Variants in POLN observed in about 807,000 individuals in gnomAD.
The protein encoded by POLN is DNA polymerase nu.
POLN carries 108 observed loss-of-function variants against 113.5 expected under a neutral mutation model. The ratio of observed to expected loss-of-function variants is 0.95; its 90% CI spans 0.81 to 1.12. The LOEUF (loss-of-function observed/expected upper bound fraction) is 1.12. POLN is among the 50% of genes most tolerant of loss of function. The probability of loss-of-function intolerance (pLI) is 0.00; values close to 1 mark genes in which losing one functional copy is unlikely to be tolerated. For synonymous variants in POLN, 386 were observed against 391.5 expected (o/e 0.99, Z 0.17); for missense variants, 1,097 against 1,077.1 (o/e 1.02, Z -0.26).
intron 5 of POLN, among the ~76,000 whole-genome samples, chr4:2,199,133 T>C (rs1466485580): frequency 1.3e-5 from 2 of 152,212 alleles, no homozygotes; most frequent in Non-Finnish European, 2.9e-5. Context: ...AATATATTTT[T>C]ATATTCTAGC....
chr4:2,179,534 T>C (rs932331405), intron 7 of POLN, 69 bp from the exon 8 acceptor site: 21 of 1,475,166 alleles, frequency 1.4e-5, no homozygotes, highest in African/African-American at 1.4e-5. Flanking sequence ...TTTGACAAAG[T>C]TCTTAAGTTC....
chr4:2,117,296 A>C (rs1375311591), intron 19 of POLN, among the ~76,000 whole-genome samples: 1 of 152,232 alleles, frequency 6.6e-6, no homozygotes, highest in Non-Finnish European at 1.5e-5. Flanking sequence ...TGGGATGAGG[A>C]AGTATACTCT....
chr4:2,094,040 T>TGACAGCCAGCAAGAAACAGAA (rs1730724547), intron 20 of POLN, among the ~76,000 whole-genome samples: 1 of 152,122 alleles, frequency 6.6e-6, no homozygotes, highest in Admixed American at 6.5e-5. Flanking sequence ...CACCTCCGGC[T>TGACAGCCAGCAAGAAACAGAA]GACAGCCAGC....
At chr4:2,190,183 A>G (rs556176617) in intron 7 of POLN, among the ~76,000 whole-genome samples, 2 of 152,312 alleles carry the variant, frequency 1.3e-5, no homozygotes, top group South Asian at 4.1e-4. Context: ...ATAGTAACCA[A>G]GACAGCATGG....
chr4:2,139,903 C>G (rs1379417670), intron 16 of POLN: 1 of 152,002 alleles, frequency 6.6e-6, no homozygotes, highest in East Asian at 1.9e-4. Context: ...AGCTCTCCAT[C>G]TGGGGGTGCA....
intron 7 of POLN, among the ~76,000 whole-genome samples, chr4:2,185,310 GAAGA>G (rs1269416031): frequency 6.6e-6 from 1 of 152,220 alleles, no homozygotes; most frequent in Non-Finnish European, 1.5e-5. Flanking sequence ...TATTAAATGA[GAAGA>G]AAGAGATGTG....
rs867349408 is a variant in POLN at position 2,105,150 on chromosome 4, C to T, written c.1983-9217G>A. Among the ~76,000 whole-genome samples, 4 of 152,328 alleles carry T rather than the reference C, an allele frequency of 2.6e-5. No homozygotes were observed. In the Middle Eastern group the frequency reaches 0.01, roughly 389 times the overall value. On this transcript the variant is annotated intron_variant, in intron 19 of 25. Transcript: ENST00000511885. ...CTTGTTCTGACCTCCCCTCACGTCTCGTGAAAGCACACCACCCACCCTGCT... is the reference window on the plus strand; with the variant it reads ...CTTGTTCTGACCTCCCCTCACGTCTTGTGAAAGCACACCACCCACCCTGCT...
chr4:2,199,484 G>A (rs900058180), intron 5 of POLN, among the ~76,000 whole-genome samples: 7 of 152,112 alleles, frequency 4.6e-5, no homozygotes, highest in Admixed American at 4.6e-4. Context: ...TGGGTGGCGA[G>A]AGAACACATT....
chr4:2,109,510 G>A (rs929940732), intron 19 of POLN, among the ~76,000 whole-genome samples: 8 of 152,114 alleles, frequency 5.3e-5, no homozygotes, highest in Non-Finnish European at 1.0e-4. Context: ...ATGTAAATTC[G>A]ATTTCACTCT....
At chr4:2,154,058 C>T (rs1335076516) in intron 16 of POLN, among the ~76,000 whole-genome samples, 1 of 150,724 alleles carries the variant, frequency 6.6e-6, no homozygotes, top group Admixed American at 6.6e-5. Flanking sequence ...ATTAGCCGGG[C>T]GTGGTGGCGG....
chr4:2,201,159 C>T (rs1271343733), intron 5 of POLN, among the ~76,000 whole-genome samples: 2 of 149,872 alleles, frequency 1.3e-5, no homozygotes, highest in African/African-American at 4.9e-5. Flanking sequence ...CCTAGTTACT[C>T]AAGAGGCTGA....
At chr4:2,192,530 G>A (rs1490398325) in intron 7 of POLN, among the ~76,000 whole-genome samples, 2 of 151,952 alleles carry the variant, frequency 1.3e-5, no homozygotes, top group East Asian at 2.0e-4. Flanking sequence ...AGTAGAGACA[G>A]GGTTTCACCA....
chr4:2,179,570 C>T lies in POLN; in HGVS notation c.1022-105G>A, dbSNP rs34484397. On this transcript the variant is annotated intron_variant, in intron 7 of 25. Coordinates refer to ENST00000511885, the MANE Select transcript of POLN (RefSeq NM_181808.4). ...AAACGAATAGTAGTAGTATTGTCAT[C>T]CTCTCAAATTATAGACCTAAGGACC... 873 of 1,142,370 alleles carry T rather than the reference C, an allele frequency of 7.6e-4. 8 individuals are homozygous for T. The African/African-American group carries it at 0.012, about 16-fold the overall frequency. 70.8% of individuals were successfully genotyped at this position (1,142,370 alleles called of 1,614,324 possible).
At chr4:2,227,488 T>C (rs1734427828) in intron 3 of POLN, 2 of 152,242 alleles carry the variant, frequency 1.3e-5, no homozygotes, top group Admixed American at 1.3e-4. Context: ...AATAAGTTTG[T>C]ATTAATAATG....
rs529337003 is a variant in POLN at position 2,127,827 on chromosome 4, G to A, written c.1982+286C>T. On this transcript the variant is annotated intron_variant, in intron 19 of 25. Coordinates refer to ENST00000511885, the MANE Select transcript of POLN (RefSeq NM_181808.4). This position sits in a 1 kb window ranked among gnomAD's most constrained non-coding sequence, Gnocchi z 4.7. ...CCAGCACCGCGGGCTCGCTCTTTCC[G>A]TGGTGCTCGCCTGCAGGGCGCGGGA... Among the ~76,000 whole-genome samples the A allele has an allele frequency of 8.4e-4, 128 of 152,354 alleles. 2 individuals are homozygous for A. The South Asian group carries it at 0.025, about 29-fold the overall frequency.
rs566351294 is a variant in POLN at position 2,117,191 on chromosome 4, T to C, written c.1982+10922A>G. On this transcript the variant is annotated intron_variant, in intron 19 of 25. Transcript: ENST00000511885. Reference sequence around the variant, plus strand: ...GAAGAAGAAGATAAAATGGGAACCATGTGTTGGCTCTTAAGTTTTCTATCC... The same window carrying C: ...GAAGAAGAAGATAAAATGGGAACCACGTGTTGGCTCTTAAGTTTTCTATCC... Among the ~76,000 whole-genome samples the C allele has an allele frequency of 7.2e-5, 11 of 152,348 alleles. No homozygotes were observed. The South Asian group carries it at 2.1e-3, about 29-fold the overall frequency.
At chr4:2,176,378 T>G in intron 8 of POLN, 44 bp from the exon 9 acceptor site, 2 of 1,465,172 alleles carry the variant, frequency 1.4e-6, no homozygotes, top group East Asian at 4.7e-5. Flanking sequence ...ATAAACTTGG[T>G]GGCAGTGCTC....
chr4:2,240,144 G>A (rs746775535), intron 2 of POLN: 1 of 1,613,716 alleles, frequency 6.2e-7, no homozygotes, highest in South Asian at 1.1e-5. Context: ...ACAAATGTAT[G>A]CGAGCTGCAG....
At chr4:2,170,241 C>T (rs1460847915) in intron 13 of POLN, among the ~76,000 whole-genome samples, 2 of 152,172 alleles carry the variant, frequency 1.3e-5, no homozygotes, top group East Asian at 3.8e-4. Flanking sequence ...CTCTCCCACT[C>T]CAACACAGCA....
Sources: gnomAD v4.1 joint callset for allele counts (sites outside exome capture counted in the v4.1 genomes callset) on GRCh38, gnomAD v4.1.1 for gene constraint, Gnocchi (gnomAD v3.1) non-coding constraint, MANE v1.5 for transcripts, NCBI Gene and HGNC (gene_info 2026-07-23, HGNC 2026-07-21) for gene names.